The following NEO1 variants were observed in gnomAD, a reference collection of about 807,000 sequenced individuals.
The protein encoded by NEO1 is neogenin.
In NEO1, 63 loss-of-function variants were observed where a neutral mutation model predicts 159.7. The observed-to-expected ratio is 0.39, with a 90% CI of 0.32 to 0.49. NEO1 has a LOEUF of 0.49. Among genes scored for constraint, NEO1 ranks in the 20% least tolerant of loss-of-function variants. The pLI is 0.85. For missense variants in NEO1, 1,615 were observed against 1,831.0 expected, an observed-to-expected ratio of 0.88 and a Z score of 2.15; for synonymous variants, 633 against 662.0, an observed-to-expected ratio of 0.96 and a Z score of 0.67.
At chr15:73,066,616 TA>T (rs1275478531) in intron 1 of NEO1, among the ~76,000 whole-genome samples, 8 of 152,158 alleles carry the variant, frequency 5.3e-5, no homozygotes, top group Non-Finnish European at 1.5e-5. Context: ...CCTACCACAT[TA>T]CATAGGGATT....
intron 7 of NEO1, among the ~76,000 whole-genome samples, chr15:73,185,657 G>A (rs1353163147): frequency 6.6e-6 from 1 of 152,052 alleles, no homozygotes; most frequent in Non-Finnish European, 1.5e-5. Flanking sequence ...GAAAATTTAT[G>A]CTAACACAAA....
intron 7 of NEO1, among the ~76,000 whole-genome samples, chr15:73,215,693 GT>G: frequency 6.6e-6 from 1 of 152,260 alleles, no homozygotes; most frequent in East Asian, 1.9e-4. Flanking sequence ...CTAGTATTTT[GT>G]TACGGATTTT....
rs372622919 is a variant in NEO1, at chr15:73,288,570, G to GT, written c.3649+25dup. ...TACAGAGGTACCATTTTAAGTGCAG[G>GT]TTTTTTCTCAAATGTTAGGAAACTA... On this transcript the variant is annotated intron_variant, in intron 24 of 28. Transcript: ENST00000261908. The GT allele has an allele frequency of 1.0e-5, 16 of 1,587,260 alleles. No homozygotes were observed. In the Middle Eastern group the frequency reaches 6.7e-4, roughly 66 times the overall value.
intron 26 of NEO1, among the ~76,000 whole-genome samples, chr15:73,295,125 A>AATATATATATATATAT (rs10524460): frequency 0.033 from 3,272 of 99,796 alleles, 205 homozygotes; most frequent in East Asian, 0.064. Flanking sequence ...CTAAATATTA[A>AATATATATATATATAT]ATATATATAT....
At chr15:73,097,745 C>G (rs1449466137) in intron 1 of NEO1, among the ~76,000 whole-genome samples, 8 of 133,962 alleles carry the variant, frequency 6.0e-5, no homozygotes, top group East Asian at 2.1e-4. Context: ...TCATATTCAT[C>G]TCATTTTCTA....
intron 13 of NEO1, chr15:73,255,507 C>T (rs1253380171): frequency 6.6e-6 from 1 of 152,166 alleles, no homozygotes; most frequent in Non-Finnish European, 1.5e-5. Flanking sequence ...GCAGGAGAAA[C>T]ATGGGAACCA....
chr15:73,151,773 G>A (rs2033392508), intron 5 of NEO1, among the ~76,000 whole-genome samples: 1 of 152,200 alleles, frequency 6.6e-6, no homozygotes, highest in Non-Finnish European at 1.5e-5. Flanking sequence ...TGTAAGTCAA[G>A]ATGAGATTTG....
At chr15:73,132,753 T>TA (rs1382349363) in intron 4 of NEO1, among the ~76,000 whole-genome samples, 1 of 152,062 alleles carries the variant, frequency 6.6e-6, no homozygotes, top group African/African-American at 2.4e-5. Context: ...CAAAAGAAGA[T>TA]ATACAAATGG....
chr15:73,298,316 G>T (rs779936891), intron 26 of NEO1, 32 bp from the exon 27 acceptor site: 31 of 1,609,986 alleles, frequency 1.9e-5, no homozygotes, highest in Non-Finnish European at 2.5e-5. Flanking sequence ...AATGGCAAAA[G>T]AAATGCTAAC....
intron 5 of NEO1, among the ~76,000 whole-genome samples, chr15:73,151,973 G>C (rs1245870086): frequency 6.6e-6 from 1 of 152,136 alleles, no homozygotes; most frequent in Non-Finnish European, 1.5e-5. Context: ...CAGAATATCT[G>C]TGCCTTTAGT....
intron 21 of NEO1, among the ~76,000 whole-genome samples, chr15:73,275,767 A>G (rs1344598858): frequency 6.6e-6 from 1 of 152,176 alleles, no homozygotes; most frequent in Middle Eastern, 3.2e-3. Context: ...TTTACACTGT[A>G]ACTGCCATGG....
At chr15:73,168,378 G>GT (rs1491515724) in intron 5 of NEO1, among the ~76,000 whole-genome samples, 4 of 44,176 alleles carry the variant, frequency 9.1e-5, no homozygotes, top group Non-Finnish European at 2.2e-4. Context: ...GAGACGGGGG[G>GT]TGGGGGGGGG....
rs113297998 is a variant in NEO1 at position 73,270,475 on chromosome 15, T to C, written c.2857+21T>C. The C allele has an allele frequency of 4.5e-4, 713 of 1,591,706 alleles. 4 individuals are homozygous for C. In the African/African-American group the frequency reaches 8.6e-3, roughly 19 times the overall value. The stretch of plus-strand genomic sequence containing the variant: ...ATTAGGTATGTGTTGTCAGAAGCCA[T>C]GTCACATGGCTGCTTTTACTTCCCA... On this transcript the variant is annotated intron_variant, in intron 18 of 28. Coordinates refer to ENST00000261908, the MANE Select transcript of NEO1 (RefSeq NM_002499.4).
intron 1 of NEO1, among the ~76,000 whole-genome samples, chr15:73,100,451 C>T (rs1231015413): frequency 6.6e-6 from 1 of 152,028 alleles, no homozygotes; most frequent in Non-Finnish European, 1.5e-5. Context: ...TCTCCTGCCT[C>T]AGCCTCTCAA....
intron 1 of NEO1, among the ~76,000 whole-genome samples, chr15:73,086,910 C>T (rs934692278): frequency 2.0e-5 from 3 of 152,054 alleles, no homozygotes; most frequent in African/African-American, 4.8e-5. Flanking sequence ...CCTGCCTCGA[C>T]CTCCCAAAAT....
intron 1 of NEO1, among the ~76,000 whole-genome samples, chr15:73,108,265 C>T (rs1238346386): frequency 6.6e-6 from 1 of 152,144 alleles, no homozygotes; most frequent in Non-Finnish European, 1.5e-5. Flanking sequence ...ATTAATGGTA[C>T]TGTTTGCAGG....
intron 21 of NEO1, among the ~76,000 whole-genome samples, chr15:73,277,531 TC>T (rs1221446370): frequency 1.3e-5 from 2 of 152,216 alleles, no homozygotes; most frequent in African/African-American, 4.8e-5. Context: ...ACTGTTTTTT[TC>T]AGCCTCTGGA....
intron 6 of NEO1, 47 bp downstream of exon 6, chr15:73,176,604 A>G (rs762810167): frequency 6.8e-7 from 1 of 1,470,362 alleles, no homozygotes; most frequent in Admixed American, 2.0e-5. Context: ...ACCTTTAGAT[A>G]TTTTTAAATG....
chr15:73,061,628 G>A (rs2067983404), intron 1 of NEO1, among the ~76,000 whole-genome samples: 1 of 152,164 alleles, frequency 6.6e-6, no homozygotes, highest in Non-Finnish European at 1.5e-5. Context: ...AAAGTTAATT[G>A]TTGAATTTTT....
Sources: allele counts gnomAD v4.1 joint callset (sites outside exome capture counted in the v4.1 genomes callset), GRCh38; gene constraint gnomAD v4.1.1; transcripts MANE v1.5; gene names NCBI Gene and HGNC (gene_info 2026-07-23, HGNC 2026-07-21).